Variants in ERC1 observed in about 807,000 individuals in gnomAD.
ERC1 encodes ELKS/RAB6-interacting/CAST family member 1.
In ERC1, 56 loss-of-function variants were observed where a neutral mutation model predicts 132.0. That is an observed-to-expected ratio of 0.42 (90% CI 0.34 to 0.53). The LOEUF (loss-of-function observed/expected upper bound fraction) is 0.53, where lower values mean the gene tolerates loss of function less well. ERC1 is among the 20% of genes least tolerant of loss of function. The pLI is 0.03. For synonymous variants in ERC1, 478 were observed against 476.1 expected (o/e 1.00, Z -0.05); for missense variants, 1,202 against 1,349.9 (o/e 0.89, Z 1.72).
At chr12:1,270,266 G>A (rs1268969280) in intron 14 of ERC1, among the ~76,000 whole-genome samples, 2 of 152,094 alleles carry the variant, frequency 1.3e-5, no homozygotes, top group Middle Eastern at 3.4e-3. Flanking sequence ...GGAGTGCAGC[G>A]GTGGGATCTT....
At chr12:1,009,338 C>A (rs184276110) in intron 1 of ERC1, among the ~76,000 whole-genome samples, 50 of 152,196 alleles carry the variant, frequency 3.3e-4, no homozygotes, top group Middle Eastern at 3.4e-3. Flanking sequence ...CCACGCCCGG[C>A]TAATTTTTTG....
chr12:1,209,803 A>G (rs576570641), intron 12 of ERC1, among the ~76,000 whole-genome samples: 10 of 152,328 alleles, frequency 6.6e-5, no homozygotes, highest in African/African-American at 2.4e-4. Flanking sequence ...AACGTTTTTC[A>G]AATAGATTTT....
intron 13 of ERC1, chr12:1,244,629 C>A: frequency 4.6e-6 from 2 of 434,472 alleles, no homozygotes; most frequent in Non-Finnish European, 4.6e-6. Context: ...TCAAGTGATT[C>A]TCATGCCTCA....
intron 14 of ERC1, among the ~76,000 whole-genome samples, chr12:1,289,418 T>C (rs1204885461): frequency 6.6e-6 from 1 of 151,978 alleles, no homozygotes; most frequent in African/African-American, 2.4e-5. Flanking sequence ...GACTAAAAAT[T>C]ATTCGTCTAT....
At chr12:1,456,144 G>A (rs1453762627) in intron 18 of ERC1, among the ~76,000 whole-genome samples, 2 of 152,170 alleles carry the variant, frequency 1.3e-5, no homozygotes, top group Non-Finnish European at 2.9e-5. Flanking sequence ...CAGTGCAATG[G>A]CTCATGTAGT....
intron 2 of ERC1, among the ~76,000 whole-genome samples, chr12:1,057,411 C>T (rs1973168305): frequency 1.3e-5 from 2 of 152,106 alleles, no homozygotes; most frequent in African/African-American, 4.8e-5. Context: ...CAGGCATGAG[C>T]CACTGCGCCC....
rs564036001 is a variant in ERC1, at chr12:1,379,008, G to T, written c.2925+7031G>T. The stretch of plus-strand genomic sequence containing the variant: ...TATTGACGAATTTAGGGAATATATT[G>T]TGTGATATTTTGGTCTAATTTTTCA... On this transcript the variant is annotated intron_variant, in intron 16 of 18. Transcript: ENST00000360905. Among the ~76,000 whole-genome samples the T allele has an allele frequency of 4.2e-4, 64 of 152,318 alleles. 1 individual carries two copies. Among genetic ancestry groups the T allele is most frequent in the Middle Eastern group, 6.8e-3 (2 of 294 alleles).
At position 1,284,308 on chromosome 12, in the gene ERC1, G is replaced by A. The variant is rs180708572; in HGVS notation, c.2620-5544G>A. Among the ~76,000 whole-genome samples the A allele has an allele frequency of 7.1e-3, 991 of 139,416 alleles. 3 individuals are homozygous for A. Among genetic ancestry groups the A allele is most frequent in the Non-Finnish European group, 0.011 (714 of 64,576 alleles). 91.5% of individuals were successfully genotyped at this position (139,416 alleles called of 152,430 possible). ...TGTGTGTGTGTGTGTGTGTGTGTGT[G>A]TATACATACCACATTTTATCCATTC... On this transcript the variant is annotated intron_variant, in intron 14 of 18. Coordinates refer to ENST00000360905, the MANE Select transcript of ERC1 (RefSeq NM_178040.4).
intron 16 of ERC1, among the ~76,000 whole-genome samples, chr12:1,384,560 A>T (rs975226835): frequency 1.3e-5 from 2 of 152,216 alleles, no homozygotes; most frequent in Admixed American, 1.3e-4. Context: ...TTAAGAATCA[A>T]TTAATTTGCA....
intron 2 of ERC1, among the ~76,000 whole-genome samples, chr12:1,047,706 A>G (rs1971296046): frequency 6.6e-6 from 1 of 152,224 alleles, no homozygotes; most frequent in African/African-American, 2.4e-5. Context: ...TTTCTTAGTT[A>G]AACCTCACTA....
chr12:1,487,553 A>G (rs1373101208), intron 18 of ERC1, among the ~76,000 whole-genome samples: 1 of 151,330 alleles, frequency 6.6e-6, no homozygotes, highest in Non-Finnish European at 1.5e-5. Context: ...AAAGAAAAAG[A>G]AAAGAGAAAT....
intron 12 of ERC1, among the ~76,000 whole-genome samples, chr12:1,204,780 AG>A (rs1290166699): frequency 2.6e-5 from 4 of 152,178 alleles, no homozygotes; most frequent in Non-Finnish European, 1.5e-5. Context: ...GAGCATTACG[AG>A]GAAAGAGGAG....
At chr12:1,102,604 C>T (rs1944793760) in intron 3 of ERC1, among the ~76,000 whole-genome samples, 1 of 152,150 alleles carries the variant, frequency 6.6e-6, no homozygotes, top group South Asian at 2.1e-4. Flanking sequence ...GTATTCATTC[C>T]TTAAATGTCT....
At chr12:1,029,345 A>C (rs1967547171) in intron 2 of ERC1, among the ~76,000 whole-genome samples, 1 of 152,150 alleles carries the variant, frequency 6.6e-6, no homozygotes, top group Admixed American at 6.5e-5. Context: ...ACTCTGTCTC[A>C]AAAAAGAAAA....
At chr12:1,053,745 T>G (rs1972448774) in intron 2 of ERC1, among the ~76,000 whole-genome samples, 1 of 152,186 alleles carries the variant, frequency 6.6e-6, no homozygotes, top group Admixed American at 6.5e-5. Flanking sequence ...AAGAAAAGAG[T>G]CCTTCCCATG....
intron 1 of ERC1, among the ~76,000 whole-genome samples, chr12:999,061 T>C (rs969090092): frequency 6.6e-6 from 1 of 152,078 alleles, no homozygotes; most frequent in African/African-American, 2.4e-5. Flanking sequence ...GGTTTCACCA[T>C]GTTGGCCAGG....
chr12:1,030,818 A>G (rs935670733), intron 2 of ERC1, among the ~76,000 whole-genome samples: 32 of 152,314 alleles, frequency 2.1e-4, no homozygotes, highest in African/African-American at 7.5e-4. Context: ...CCATTGTGTT[A>G]CAGTTGCCTA....
intron 14 of ERC1, among the ~76,000 whole-genome samples, chr12:1,287,427 C>G (rs1186282925): frequency 6.6e-6 from 1 of 152,156 alleles, no homozygotes; most frequent in Non-Finnish European, 1.5e-5. Context: ...CGACAGTATT[C>G]TGGGTGTTTC....
chr12:1,324,134 T>C (rs2082294653), intron 15 of ERC1, among the ~76,000 whole-genome samples: 1 of 152,228 alleles, frequency 6.6e-6, no homozygotes, highest in African/African-American at 2.4e-5. Flanking sequence ...TTAATTGATC[T>C]GATAAATTAC....
Sources: gnomAD v4.1 joint callset for allele counts (sites outside exome capture counted in the v4.1 genomes callset) on GRCh38, gnomAD v4.1.1 for gene constraint, MANE v1.5 for transcripts, NCBI Gene and HGNC (gene_info 2026-07-23, HGNC 2026-07-21) for gene names.